SYT9: variants seen among roughly 807,000 people sequenced by gnomAD.
The protein encoded by SYT9 is synaptotagmin 9.
SYT9 carries 22 observed loss-of-function variants against 48.4 expected under a neutral mutation model. The ratio of observed to expected loss-of-function variants is 0.45; its 90% confidence interval spans 0.32 to 0.65. SYT9 has a LOEUF of 0.65. Among genes scored for constraint, SYT9 ranks in the 30% least tolerant of loss-of-function variants. SYT9 has a pLI of 0.03. For synonymous variants in SYT9, 265 were observed against 245.0 expected (o/e 1.08, Z -0.76); for missense variants, 577 against 622.0 (o/e 0.93, Z 0.77).
Position 7,253,563 on chromosome 11 carries a change from T to C in SYT9, c.145+1232T>C, listed in dbSNP as rs542917978. Among the ~76,000 whole-genome samples, 4 of 139,048 alleles carry C rather than the reference T, an allele frequency of 2.9e-5. No individual in the cohort carries two copies. The South Asian group carries it at 7.1e-4, about 25-fold the overall frequency. The allele number at this position is 139,048 out of a possible 152,430, so 91.2% of individuals were successfully genotyped here. On this transcript the variant is annotated intron_variant, in intron 1 of 6. Transcript: ENST00000318881. ...TAAAATTTTAAAGTTTATATCAGAT[T>C]TTCCCTACCAGAGGCTTTTTTTTCC...
chr11:7,468,265 C>T lies in SYT9; in HGVS notation c.*1465C>T, dbSNP rs555243494. 60 of 398,612 alleles carry T rather than the reference C, an allele frequency of 1.5e-4. No homozygotes were observed. Among genetic ancestry groups the T allele is most frequent in the East Asian group, 2.1e-4 (6 of 28,076 alleles). 24.7% of individuals were successfully genotyped at this position (398,612 alleles called of 1,614,324 possible). A position where few individuals can be genotyped will look rare whatever the true frequency, so the allele number is the denominator to read the frequency against. ...ACTGGGCGGAGGAAGGATCGTTATA[C>T]GTCTTCAGAAAGTTCTCATTGCCCC... On this transcript the variant is annotated 3_prime_UTR_variant, in exon 7 of 7. Transcript: ENST00000318881.
chr11:7,335,721 A>G (rs1210526527), intron 3 of SYT9, among the ~76,000 whole-genome samples: 2 of 151,992 alleles, frequency 1.3e-5, no homozygotes, highest in Non-Finnish European at 2.9e-5. Flanking sequence ...GTATATATGT[A>G]CCACATTTTC....
chr11:7,446,386 A>G (rs1847930657), intron 6 of SYT9, among the ~76,000 whole-genome samples: 1 of 152,208 alleles, frequency 6.6e-6, no homozygotes, highest in Non-Finnish European at 1.5e-5. Flanking sequence ...TATTATTAGT[A>G]TCATTATTAT....
intron 1 of SYT9, among the ~76,000 whole-genome samples, chr11:7,242,600 G>A (rs1847750617): frequency 6.6e-6 from 1 of 152,142 alleles, no homozygotes; most frequent in South Asian, 2.1e-4. Flanking sequence ...TTTTAACTTT[G>A]AAATAGACCT....
intron 1 of SYT9, among the ~76,000 whole-genome samples, chr11:7,294,235 T>C (rs926173885): frequency 1.3e-5 from 2 of 152,180 alleles, no homozygotes; most frequent in African/African-American, 4.8e-5. Context: ...GATCTCAACA[T>C]ATGAATTTGG....
intron 3 of SYT9, among the ~76,000 whole-genome samples, chr11:7,367,283 C>T (rs575606700): frequency 2.7e-5 from 4 of 148,808 alleles, no homozygotes; most frequent in Non-Finnish European, 3.0e-5. Flanking sequence ...TTAGTAGAGA[C>T]GGGGTTTCAC....
intron 1 of SYT9, among the ~76,000 whole-genome samples, chr11:7,284,499 T>A (rs1415744418): frequency 6.6e-6 from 1 of 152,194 alleles, no homozygotes; most frequent in Non-Finnish European, 1.5e-5. Flanking sequence ...GCATACATTC[T>A]ACAATGAAAA....
At chr11:7,305,989 T>C (rs1849023502) in intron 2 of SYT9, among the ~76,000 whole-genome samples, 1 of 152,198 alleles carries the variant, frequency 6.6e-6, no homozygotes. Flanking sequence ...TTTTATCTTC[T>C]AAGAATGTTT....
chr11:7,412,561 C>T (rs766635250), intron 3 of SYT9, among the ~76,000 whole-genome samples: 4 of 152,136 alleles, frequency 2.6e-5, no homozygotes, highest in Non-Finnish European at 4.4e-5. Flanking sequence ...AGTGGTACAG[C>T]AGTGGTCTGA....
chr11:7,419,611 C>T (rs1847311827), intron 5 of SYT9, among the ~76,000 whole-genome samples: 1 of 152,110 alleles, frequency 6.6e-6, no homozygotes, highest in African/African-American at 2.4e-5. Context: ...GAAATATTAG[C>T]CTTGGCCGGG....
At chr11:7,417,486 T>G (rs897772045) in intron 4 of SYT9, among the ~76,000 whole-genome samples, 1 of 152,146 alleles carries the variant, frequency 6.6e-6, no homozygotes, top group Admixed American at 6.5e-5. Context: ...AAGGTCTCTA[T>G]ACTTAAGGAA....
chr11:7,424,162 AGGGCAGGTGGC>A (rs1280071767), intron 6 of SYT9, among the ~76,000 whole-genome samples: 1 of 152,184 alleles, frequency 6.6e-6, no homozygotes, highest in Non-Finnish European at 1.5e-5. Context: ...TGACCTTGCC[AGGGCAGGTGGC>A]AGATGGAATC....
intron 3 of SYT9, among the ~76,000 whole-genome samples, chr11:7,413,323 C>T (rs1411651240): frequency 5.3e-5 from 8 of 152,210 alleles, no homozygotes; most frequent in Non-Finnish European, 1.0e-4. Context: ...CAGGGCAAGA[C>T]ATAGTCCTTT....
intron 4 of SYT9, 116 bp from the exon 5 acceptor site, chr11:7,417,841 A>G: frequency 9.8e-7 from 1 of 1,023,566 alleles, no homozygotes; most frequent in Non-Finnish European, 1.4e-6. Context: ...ACTCCAGTCC[A>G]CAGGCAGGTA....
At chr11:7,331,852 A>G (rs998124124) in intron 3 of SYT9, among the ~76,000 whole-genome samples, 1 of 152,222 alleles carries the variant, frequency 6.6e-6, no homozygotes, top group Non-Finnish European at 1.5e-5. Flanking sequence ...CAGTTACCAC[A>G]TTAGATTGTA....
intron 1 of SYT9, among the ~76,000 whole-genome samples, chr11:7,300,409 A>T (rs1431064239): frequency 6.6e-6 from 1 of 152,220 alleles, no homozygotes; most frequent in African/African-American, 2.4e-5. Flanking sequence ...CTCGTATTTC[A>T]TTGGCCAGAG....
chr11:7,367,098 T>TTTTTAC, intron 3 of SYT9, among the ~76,000 whole-genome samples: 1 of 112,992 alleles, frequency 8.9e-6, no homozygotes, highest in African/African-American at 3.2e-5. Flanking sequence ...TTTTTTTTTT[T>TTTTTAC]CGAGACGGAG....
intron 3 of SYT9, among the ~76,000 whole-genome samples, chr11:7,384,427 A>G (rs552820540): frequency 7.2e-5 from 11 of 152,300 alleles, no homozygotes; most frequent in Non-Finnish European, 1.3e-4. Context: ...AATGGGTGTT[A>G]ATGGCAATTC....
In SYT9 at chr11:7,426,530, G is replaced by C. The variant is rs551471918; in HGVS notation, c.1467+5895G>C. On this transcript the variant is annotated intron_variant, in intron 6 of 6. Coordinates refer to ENST00000318881, the MANE Select transcript of SYT9 (RefSeq NM_175733.4). ...CATTTGGGCACACAAGGGAGCCACA[G>C]GAGACTCAGTGCCATCACAGGCATC... is the stretch of plus-strand genomic sequence containing the variant. Among the ~76,000 whole-genome samples, 5 of 152,296 alleles carry C rather than the reference G, an allele frequency of 3.3e-5. No individual in the cohort carries two copies. In the South Asian group the frequency reaches 1.0e-3, roughly 32 times the overall value.
Sources: allele counts gnomAD v4.1 joint callset (sites outside exome capture counted in the v4.1 genomes callset), GRCh38; gene constraint gnomAD v4.1.1; transcripts MANE v1.5; gene names NCBI Gene and HGNC (gene_info 2026-07-23, HGNC 2026-07-21).